The following C10orf105 variants were observed in gnomAD, a reference collection of about 807,000 sequenced individuals.
C10orf105 encodes chromosome 10 open reading frame 105.
In C10orf105, 2 loss-of-function variants were observed where a neutral mutation model predicts 0.6. That is an observed-to-expected ratio of 3.18 (90% CI 1.30 to 10.01). The LOEUF (loss-of-function observed/expected upper bound fraction) is 10.01. Ranked by LOEUF, C10orf105 falls within the 30% of genes most tolerant of loss-of-function variation. The pLI is 0.04. For synonymous variants in C10orf105, 95 were observed against 82.4 expected (o/e 1.15, Z -0.83); for missense variants, 209 against 191.4 (o/e 1.09, Z -0.54).
intron 1 of C10orf105, among the ~76,000 whole-genome samples, chr10:71,735,451 C>T (rs1295063988): frequency 2.0e-5 from 3 of 152,102 alleles, no homozygotes; most frequent in Non-Finnish European, 4.4e-5. Context: ...GGAGTGGGTC[C>T]AGGGCCAGCT....
At chr10:71,732,796 T>C in intron 1 of C10orf105, 1 of 846,318 alleles carries the variant, frequency 1.2e-6, no homozygotes. Context: ...GTCATCGAAG[T>C]GTGTGTGGGG....
At position 71,713,294 on chromosome 10, in the gene C10orf105, A is replaced by T. The variant is rs1339430803; in HGVS notation, c.*2642T>A. 1.3e-6 allele frequency: 1 copy of T among 779,252 alleles called. No homozygotes were observed. The highest frequency in any genetic ancestry group is 2.4e-6 in the Non-Finnish European group (1 of 417,882). The allele number at this position is 779,252 out of a possible 1,614,324, so 48.3% of individuals were successfully genotyped here. ...AGCAGGCGCAACAGCTCCAAGGCTC[A>T]GAGGGAGAGAAGGGAGGACCCTGAA... On this transcript the variant is annotated 3_prime_UTR_variant, in exon 2 of 2. Transcript: ENST00000441508.
intron 1 of C10orf105, among the ~76,000 whole-genome samples, chr10:71,725,063 G>A (rs1490179289): frequency 2.0e-5 from 3 of 152,206 alleles, no homozygotes; most frequent in African/African-American, 4.8e-5. Context: ...GTGGGTGTAG[G>A]AGCAGGGCGA....
At chr10:71,717,777 A>AT (rs923095240) in intron 1 of C10orf105, 2 of 152,186 alleles carry the variant, frequency 1.3e-5, no homozygotes, top group East Asian at 3.9e-4. Flanking sequence ...AGAAATCTGG[A>AT]TTTTTTTAAA....
Position 71,731,982 on chromosome 10 carries a change from T to C in C10orf105, c.-6+5746A>G, listed in dbSNP as rs373814200. ...GGACTGCACAGCCTCTGTGTCCTCCTACAGGGGATGGTGGCCTGGTGAACT... is the reference window on the plus strand; with the variant it reads ...GGACTGCACAGCCTCTGTGTCCTCCCACAGGGGATGGTGGCCTGGTGAACT... On this transcript the variant is annotated intron_variant, in intron 1 of 1. Coordinates refer to the C10orf105 transcript ENST00000398786. The C allele has an allele frequency of 1.6e-5, 26 of 1,612,844 alleles. No individual in the cohort carries two copies. Among genetic ancestry groups the C allele is most frequent in the Non-Finnish European group, 2.1e-5 (25 of 1,179,266 alleles).
upstream of C10orf105, among the ~76,000 whole-genome samples, chr10:71,719,993 G>T (rs973475941): frequency 6.6e-6 from 1 of 152,230 alleles, no homozygotes; most frequent in Non-Finnish European, 1.5e-5. Flanking sequence ...AGACTCTGGG[G>T]AGACGCAGGG....
At chr10:71,726,964 CA>C in intron 1 of C10orf105, among the ~76,000 whole-genome samples, 1 of 152,334 alleles carries the variant, frequency 6.6e-6, no homozygotes, top group East Asian at 1.9e-4. Flanking sequence ...CAGTGTAAAA[CA>C]GATCGAAGCC....
At chr10:71,735,204 G>A (rs919718482) in intron 1 of C10orf105, among the ~76,000 whole-genome samples, 1 of 152,192 alleles carries the variant, frequency 6.6e-6, no homozygotes, top group Admixed American at 6.5e-5. Context: ...GGGGGTTGGT[G>A]CAAGTGTGTG....
upstream of C10orf105, chr10:71,724,138 C>T (rs1280903807): frequency 2.1e-5 from 33 of 1,550,214 alleles, no homozygotes; most frequent in Non-Finnish European, 2.7e-5. Flanking sequence ...GGGGGGCGGT[C>T]CTCCTGCCCA....
Position 71,712,425 on chromosome 10 carries a change from A to G in C10orf105, c.*3511T>C, listed in dbSNP as rs1243583604. Reference sequence around the variant, plus strand: ...GGGATGACAGTAAAGTGTCTGCTTCATGGGGTTGCTGTGAGGACTGAATGG... The same window carrying G: ...GGGATGACAGTAAAGTGTCTGCTTCGTGGGGTTGCTGTGAGGACTGAATGG... On this transcript the variant is annotated 3_prime_UTR_variant, in exon 2 of 2. Coordinates refer to ENST00000441508, the MANE Select transcript of C10orf105 (RefSeq NM_001164375.3). The G allele has an allele frequency of 6.1e-6, 3 of 488,030 alleles. No homozygotes were observed. The highest frequency in any genetic ancestry group is 1.1e-5 in the Non-Finnish European group (3 of 271,108). 30.2% of individuals were successfully genotyped at this position (488,030 alleles called of 1,614,324 possible). A position where few individuals can be genotyped will look rare whatever the true frequency, so the allele number is the denominator to read the frequency against.
upstream of C10orf105, among the ~76,000 whole-genome samples, chr10:71,723,540 G>A (rs892239233): frequency 5.3e-5 from 8 of 152,236 alleles, no homozygotes; most frequent in South Asian, 2.1e-4. Flanking sequence ...CATTGTGTGG[G>A]AGGAGGGCTC....
At chr10:71,734,710 C>A in intron 1 of C10orf105, 1 of 1,242,852 alleles carries the variant, frequency 8.0e-7, no homozygotes, top group Non-Finnish European at 1.1e-6. Flanking sequence ...GTGGCCAGTG[C>A]TGGCCGGGCT....
At chr10:71,722,589 G>T (rs1866608944), upstream of C10orf105, among the ~76,000 whole-genome samples, 1 of 152,218 alleles carries the variant, frequency 6.6e-6, no homozygotes, top group Admixed American at 6.5e-5. Flanking sequence ...TTCCTGTGGG[G>T]ATATGGGCAA....
chr10:71,723,881 A>G (rs1304457711), upstream of C10orf105, among the ~76,000 whole-genome samples: 1 of 152,136 alleles, frequency 6.6e-6, no homozygotes, highest in Non-Finnish European at 1.5e-5. Flanking sequence ...GATTAGAAAG[A>G]CATACACGTC....
chr10:71,715,819 G>T lies in C10orf105; in HGVS notation c.*117C>A. On this transcript the variant is annotated 3_prime_UTR_variant, in exon 2 of 2. Coordinates refer to ENST00000441508, the MANE Select transcript of C10orf105 (RefSeq NM_001164375.3). The stretch of plus-strand genomic sequence containing the variant: ...ATGCAAGGAGCTTCGGGGGGTGAGT[G>T]TGTGTCCCAGACTGCTTGGGCCACT... 2 of 1,009,052 alleles carry T rather than the reference G, an allele frequency of 2.0e-6. No homozygotes were observed. The highest frequency in any genetic ancestry group is 4.1e-5 in the South Asian group (2 of 48,994). 62.5% of individuals were successfully genotyped at this position (1,009,052 alleles called of 1,614,324 possible).
upstream of C10orf105, among the ~76,000 whole-genome samples, chr10:71,722,893 G>T (rs1866622737): frequency 6.6e-6 from 1 of 152,132 alleles, no homozygotes; most frequent in South Asian, 2.1e-4. Flanking sequence ...TGGGGCCCAG[G>T]GATGTGCAAG....
chr10:71,724,814 G>A (rs968787090), intron 1 of C10orf105, among the ~76,000 whole-genome samples: 1 of 152,166 alleles, frequency 6.6e-6, no homozygotes, highest in Non-Finnish European at 1.5e-5. Context: ...CCCACTTCTC[G>A]AATCAGGGGT....
In C10orf105 at chr10:71,713,415, G is replaced by A; in HGVS notation, c.*2521C>T. ...TGAATGAGTCTCTTTACCAACTATG[G>A]GGTTTCCGACTCGGAGGCTGAGCCA... On this transcript the variant is annotated 3_prime_UTR_variant, in exon 2 of 2. Coordinates refer to ENST00000441508, the MANE Select transcript of C10orf105 (RefSeq NM_001164375.3). 1.6e-6 allele frequency: 1 copy of A among 631,450 alleles called. No individual in the cohort carries two copies. The highest frequency in any genetic ancestry group is 2.8e-6 in the Non-Finnish European group (1 of 352,396). 39.1% of individuals were successfully genotyped at this position (631,450 alleles called of 1,614,324 possible).
At position 71,715,362 on chromosome 10, in the gene C10orf105, G is replaced by C. The variant is rs558586074; in HGVS notation, c.*574C>G. 2.0e-5 allele frequency: 3 copies of C among 152,296 alleles called. No individual in the cohort carries two copies. The highest frequency in any genetic ancestry group is 2.9e-5 in the Non-Finnish European group (2 of 68,070). 9.4% of individuals were successfully genotyped at this position (152,296 alleles called of 1,614,324 possible). On this transcript the variant is annotated 3_prime_UTR_variant, in exon 2 of 2. Coordinates refer to ENST00000441508, the MANE Select transcript of C10orf105 (RefSeq NM_001164375.3). Reference sequence around the variant, plus strand: ...CCTCCCAGCTGGCACCCAGGCATCTGTTCCACCAGGAGGGAGGCAGCTGCT... The same window carrying C: ...CCTCCCAGCTGGCACCCAGGCATCTCTTCCACCAGGAGGGAGGCAGCTGCT...
Sources: gnomAD v4.1 joint callset for allele counts (sites outside exome capture counted in the v4.1 genomes callset) on GRCh38, gnomAD v4.1.1 for gene constraint, MANE v1.5 for transcripts, NCBI Gene and HGNC (gene_info 2026-07-23, HGNC 2026-07-21) for gene names.